The following PDZRN3 variants were observed in gnomAD, a reference collection of about 807,000 sequenced individuals.
PDZRN3 encodes the protein PDZ domain containing ring finger 3, also known as E3 ubiquitin-protein ligase PDZRN3.
A neutral mutation model predicts 85.7 loss-of-function variants in PDZRN3; 38 were observed. The observed-to-expected ratio is 0.44, with a 90% confidence interval of 0.34 to 0.58. The LOEUF is 0.58. Ranked by LOEUF, PDZRN3 falls within the 20% of genes least tolerant of loss-of-function variation. The probability of loss-of-function intolerance (pLI) is 0.01; values close to 1 mark genes in which losing one functional copy is unlikely to be tolerated. For missense variants in PDZRN3, 1,629 were observed against 1,506.4 expected (o/e 1.08, Z -1.35); for synonymous variants, 759 against 638.0 (o/e 1.19, Z -2.86).
chr3:73,530,770 A>C (rs1332592913), intron 3 of PDZRN3, among the ~76,000 whole-genome samples: 1 of 152,138 alleles, frequency 6.6e-6, no homozygotes, highest in Non-Finnish European at 1.5e-5. Context: ...ATCAATCAAA[A>C]CTTTGAATTT....
intron 3 of PDZRN3, among the ~76,000 whole-genome samples, chr3:73,525,642 C>T (rs1011848488): frequency 6.6e-6 from 1 of 152,234 alleles, no homozygotes; most frequent in African/African-American, 2.4e-5. Flanking sequence ...ACCACATGCA[C>T]TCATGATGAG....
At chr3:73,500,544 G>A (rs1703957292) in intron 3 of PDZRN3, among the ~76,000 whole-genome samples, 1 of 152,076 alleles carries the variant, frequency 6.6e-6, no homozygotes, top group Admixed American at 6.6e-5. Context: ...CTCTATATAA[G>A]TGTTGTTGCC....
chr3:73,569,634 T>G, intron 3 of PDZRN3: 3 of 928,512 alleles, frequency 3.2e-6, no homozygotes, highest in Non-Finnish European at 3.9e-6. Context: ...TGGGGTCTTC[T>G]CCAGGCAGGA....
chr3:73,426,630 T>A (rs1305003257), intron 3 of PDZRN3, among the ~76,000 whole-genome samples: 1 of 152,214 alleles, frequency 6.6e-6, no homozygotes, highest in Non-Finnish European at 1.5e-5. Context: ...AGAAAATCTG[T>A]CAGAAGGCTT....
chr3:73,476,241 G>A (rs1703446337), intron 3 of PDZRN3, among the ~76,000 whole-genome samples: 1 of 152,142 alleles, frequency 6.6e-6, no homozygotes, highest in Non-Finnish European at 1.5e-5. Context: ...GAGCATGGCT[G>A]GGGAGGCCTC....
At chr3:73,535,865 A>C (rs975031976) in intron 3 of PDZRN3, among the ~76,000 whole-genome samples, 2 of 152,244 alleles carry the variant, frequency 1.3e-5, no homozygotes, top group African/African-American at 4.8e-5. Context: ...AGCAGACTCT[A>C]GCTATGCCCT....
rs563818673 is a variant in PDZRN3 at position 73,442,296 on chromosome 3, C to T, written c.919-37901G>A. ...GAGGGGAAGTGGGGAGGGCATCAGG[C>T]CAGGATTTGCAGGAATTCAGGTGGC... On this transcript the variant is annotated intron_variant, in intron 3 of 9. Coordinates refer to ENST00000263666, the MANE Select transcript of PDZRN3 (RefSeq NM_015009.3). Among the ~76,000 whole-genome samples, 71 of 152,230 alleles carry T rather than the reference C, an allele frequency of 4.7e-4. No homozygotes were observed. The South Asian group carries it at 9.8e-3, about 21-fold the overall frequency.
intron 3 of PDZRN3, among the ~76,000 whole-genome samples, chr3:73,408,592 G>GGGC (rs1553685365): frequency 6.6e-6 from 1 of 151,694 alleles, no homozygotes; most frequent in African/African-American, 2.4e-5. Flanking sequence ...TGGAGGAGGG[G>GGGC]GGGGGGTGCA....
chr3:73,555,607 G>C (rs976945811), intron 3 of PDZRN3, among the ~76,000 whole-genome samples: 1 of 152,164 alleles, frequency 6.6e-6, no homozygotes, highest in African/African-American at 2.4e-5. Flanking sequence ...CATTGCTTGA[G>C]TCTCAATCAA....
At chr3:73,430,034 A>T (rs1198044675) in intron 3 of PDZRN3, among the ~76,000 whole-genome samples, 1 of 152,234 alleles carries the variant, frequency 6.6e-6, no homozygotes, top group Non-Finnish European at 1.5e-5. Flanking sequence ...GTTGATCATC[A>T]TTCATTCATT....
chr3:73,433,872 T>C, intron 3 of PDZRN3: 2 of 1,424,896 alleles, frequency 1.4e-6, no homozygotes, highest in Admixed American at 2.8e-5. Context: ...AACAACTCTC[T>C]CCCCCCTTCC....
At chr3:73,555,284 A>G (rs1203639255) in intron 3 of PDZRN3, among the ~76,000 whole-genome samples, 1 of 152,154 alleles carries the variant, frequency 6.6e-6, no homozygotes. Flanking sequence ...CGAGGAAGAA[A>G]ATTTGAGTGT....
intron 3 of PDZRN3, among the ~76,000 whole-genome samples, chr3:73,494,929 C>A (rs1477222802): frequency 6.6e-6 from 1 of 152,150 alleles, no homozygotes; most frequent in Non-Finnish European, 1.5e-5. Context: ...GAACAGAAAA[C>A]CAAATAATGC....
intron 3 of PDZRN3, among the ~76,000 whole-genome samples, chr3:73,570,484 C>T (rs568870546): frequency 1.3e-5 from 2 of 152,272 alleles, no homozygotes; most frequent in Admixed American, 6.5e-5. Context: ...CACACCTGCA[C>T]CTGACATATC....
chr3:73,587,595 C>A (rs920935167), intron 3 of PDZRN3, among the ~76,000 whole-genome samples: 13 of 152,196 alleles, frequency 8.5e-5, no homozygotes, highest in Admixed American at 2.0e-4. Context: ...TAATATTTAT[C>A]TTCCTGCCTC....
At chr3:73,593,459 C>T (rs1045319919) in intron 3 of PDZRN3, among the ~76,000 whole-genome samples, 2 of 152,106 alleles carry the variant, frequency 1.3e-5, no homozygotes, top group South Asian at 2.1e-4. Context: ...AACTCTAACA[C>T]GGACAGAGGA....
At chr3:73,453,482 A>C (rs1463256342) in intron 3 of PDZRN3, among the ~76,000 whole-genome samples, 2 of 151,458 alleles carry the variant, frequency 1.3e-5, no homozygotes, top group African/African-American at 4.8e-5. Flanking sequence ...AACAGTCCAC[A>C]GAAATGGCCT....
chr3:73,443,562 T>G (rs1295014480), intron 3 of PDZRN3, among the ~76,000 whole-genome samples: 1 of 148,818 alleles, frequency 6.7e-6, no homozygotes, highest in East Asian at 2.0e-4. Context: ...CATAGCTCAC[T>G]GCAGCACTGA....
At chr3:73,505,567 A>T (rs1206354923) in intron 3 of PDZRN3, among the ~76,000 whole-genome samples, 1 of 152,204 alleles carries the variant, frequency 6.6e-6, no homozygotes, top group Non-Finnish European at 1.5e-5. Context: ...TACCTTGTGG[A>T]TGATATTCTA....
Sources: gnomAD v4.1 joint callset for allele counts (sites outside exome capture counted in the v4.1 genomes callset) on GRCh38, gnomAD v4.1.1 for gene constraint, MANE v1.5 for transcripts, NCBI Gene and HGNC (gene_info 2026-07-23, HGNC 2026-07-21) for gene names.